Variants in RAD54L2 observed in about 807,000 individuals in gnomAD.
The protein encoded by RAD54L2 is RAD54 like 2.
In RAD54L2, 27 loss-of-function variants were observed where a neutral mutation model predicts 138.4. The observed-to-expected ratio is 0.20, with a 90% confidence interval of 0.14 to 0.27. RAD54L2 has a LOEUF of 0.27. Ranked by LOEUF, RAD54L2 falls within the 10% of genes least tolerant of loss-of-function variation. RAD54L2 has a pLI of 1.00. For missense variants in RAD54L2, 1,396 were observed against 1,890.2 expected (o/e 0.74, Z 4.85); for synonymous variants, 644 against 723.2 (o/e 0.89, Z 1.76).
chr3:51,588,697 C>T (rs1163872878), intron 2 of RAD54L2, among the ~76,000 whole-genome samples: 1 of 152,002 alleles, frequency 6.6e-6, no homozygotes, highest in Non-Finnish European at 1.5e-5. Context: ...TTTACCCTCA[C>T]GAAGGAATGG....
chr3:51,637,999 C>G lies in RAD54L2; in HGVS notation c.1683-145C>G. On this transcript the variant is annotated intron_variant, in intron 11 of 22. Transcript: ENST00000684192. The surrounding 1 kb of genome is among the most constrained non-coding windows in gnomAD (Gnocchi z 5.9). ...GTGAGTTTCTTCTTGGTTGTTGAAC[C>G]ACTCTGCATTATTGCAAGGCTGCAG... 1 of 728,208 alleles carries G rather than the reference C, an allele frequency of 1.4e-6. No homozygotes were observed. Among genetic ancestry groups the G allele is most frequent in the East Asian group, 2.7e-5 (1 of 36,738 alleles). The allele number at this position is 728,208 out of a possible 1,614,324, so 45.1% of individuals were successfully genotyped here. A position where few individuals can be genotyped will look rare whatever the true frequency, so the allele number is the denominator to read the frequency against.
chr3:51,588,185 CAAAAAAAAAAAAAAAA>C (rs987919898), intron 2 of RAD54L2, among the ~76,000 whole-genome samples: 2 of 12,726 alleles, frequency 1.6e-4, no homozygotes, highest in South Asian at 3.0e-3. Context: ...GACTCCATCT[CAAAAAAAAAAAAAAAA>C]AAAAAAAAAA....
Position 51,610,657 on chromosome 3 carries a change from A to AAAAAAAAAAC in RAD54L2, c.140-16896_140-16895insAAAAAAAAAC, listed in dbSNP as rs1180965179. Among the ~76,000 whole-genome samples, 93 of 151,254 alleles carry AAAAAAAAAAC rather than the reference A, an allele frequency of 6.1e-4. 1 individual carries two copies. Among genetic ancestry groups the AAAAAAAAAAC allele is most frequent in the African/African-American group, 2.2e-3 (90 of 40,928 alleles). The stretch of plus-strand genomic sequence containing the variant: ...TCCATCTCAAAAAAAAAAAAAAAAA[A>AAAAAAAAAAC]CAGAAAGAATGAATGAATCTTCTTT... On this transcript the variant is annotated intron_variant, in intron 3 of 22. Coordinates refer to ENST00000684192, the MANE Select transcript of RAD54L2 (RefSeq NM_015106.4).
intron 2 of RAD54L2, among the ~76,000 whole-genome samples, chr3:51,549,013 GAC>G (rs1347801822): frequency 1.3e-5 from 2 of 151,910 alleles, no homozygotes; most frequent in African/African-American, 4.8e-5. Flanking sequence ...TGTTTTTTGA[GAC>G]ACAGTCTTGC....
rs755429546 is a variant in RAD54L2, at chr3:51,641,801, G to C, written c.2284G>C (p.Val762Leu). The change falls in exon 15 of 23, where the codon GTA becomes CTA. Residue 762 changes from valine to leucine, a missense_variant. Physicochemically the swap from Val to Leu is conservative, Grantham distance 32. Coordinates refer to ENST00000684192, the MANE Select transcript of RAD54L2 (RefSeq NM_015106.4). ...CGAGGAATTCCTTGGAAAACGAGAAGTACCCTGTCCACCTGGTACCGAGGG... is the reference window on the plus strand; with the variant it reads ...CGAGGAATTCCTTGGAAAACGAGAACTACCCTGTCCACCTGGTACCGAGGG... ...LIEEFLGKRE[V>L]PCPPGTEGQG... 5.6e-6 allele frequency: 9 copies of C among 1,601,380 alleles called. No individual in the cohort carries two copies. In the South Asian group the frequency reaches 7.9e-5, roughly 14 times the overall value.
chr3:51,578,428 A>G (rs1378058776), intron 2 of RAD54L2, among the ~76,000 whole-genome samples: 1 of 152,168 alleles, frequency 6.6e-6, no homozygotes, highest in Non-Finnish European at 1.5e-5. Flanking sequence ...TGGTAGCCTA[A>G]GGGGGTATGT....
At chr3:51,647,252 G>A (rs918498031) in intron 19 of RAD54L2, among the ~76,000 whole-genome samples, 1 of 152,062 alleles carries the variant, frequency 6.6e-6, no homozygotes, top group African/African-American at 2.4e-5. Flanking sequence ...GCCTAGGCTG[G>A]AGTGCAGTGG....
At chr3:51,612,728 T>G (rs1230209039) in intron 3 of RAD54L2, among the ~76,000 whole-genome samples, 1 of 151,526 alleles carries the variant, frequency 6.6e-6, no homozygotes, top group Non-Finnish European at 1.5e-5. Flanking sequence ...TTTATTGTAG[T>G]CAGTTTAAGC....
At position 51,646,441 on chromosome 3, in the gene RAD54L2, C is replaced by A; in HGVS notation, c.2986C>A (p.Gln996Lys). Residue 996 changes from glutamine (Q) to lysine (K), a missense_variant, in exon 19 of 23, where the codon CAG (glutamine) becomes AAG (lysine). Transcript: ENST00000684192. ...TGCGCAGTATTACCCTGCCAGCGAT[C>A]AGAGCCTGACCAGCATCCCCGCCTT... ...SYAQYYPASD[Q>K]SLTSIPAFSQ... 1 of 1,613,604 alleles carries A rather than the reference C, an allele frequency of 6.2e-7. No individual in the cohort carries two copies. The highest frequency in any genetic ancestry group is 8.5e-7 in the Non-Finnish European group (1 of 1,179,690).
chr3:51,608,410 C>T (rs1423544409), intron 3 of RAD54L2, among the ~76,000 whole-genome samples: 1 of 152,026 alleles, frequency 6.6e-6, no homozygotes, highest in Non-Finnish European at 1.5e-5. Context: ...ACGCTCCTCA[C>T]TTCCTAGACG....
At chr3:51,624,857 T>C (rs1700642781) in intron 3 of RAD54L2, among the ~76,000 whole-genome samples, 2 of 152,160 alleles carry the variant, frequency 1.3e-5, no homozygotes, top group Admixed American at 6.5e-5. Flanking sequence ...TACCAAGCTA[T>C]GGAAGGTGAG....
intron 21 of RAD54L2, 151 bp from the exon 22 acceptor site, chr3:51,659,875 C>T (rs1051969010): frequency 1.9e-6 from 1 of 528,432 alleles, no homozygotes; most frequent in Non-Finnish European, 3.5e-6. Flanking sequence ...GTCCATAGCT[C>T]AGTCACCCCA....
intron 3 of RAD54L2, among the ~76,000 whole-genome samples, chr3:51,601,533 T>G (rs1194738283): frequency 1.3e-5 from 2 of 148,516 alleles, no homozygotes; most frequent in Non-Finnish European, 3.0e-5. Context: ...GTCTCGAACT[T>G]GTGACCTCGT....
intron 21 of RAD54L2, among the ~76,000 whole-genome samples, chr3:51,659,098 GTT>G (rs1014568687): frequency 1.3e-5 from 1 of 75,040 alleles, no homozygotes. Flanking sequence ...TCCGGCTCTT[GTT>G]TTTTTTTTTT....
At chr3:51,641,380 C>T (rs1357446279) in intron 14 of RAD54L2, among the ~76,000 whole-genome samples, 4 of 149,744 alleles carry the variant, frequency 2.7e-5, no homozygotes, top group Middle Eastern at 3.3e-3. Context: ...AGTGCAATGG[C>T]GTGATCCTGC....
rs544743314 is a variant in RAD54L2, at chr3:51,597,555, C to T, written c.139+6996C>T. Reference sequence around the variant, plus strand: ...TGAAATAAGCTATTTTGGCTGGGCGCGGTGGCTCATGCCTGTAACTCCAGC... The same window carrying T: ...TGAAATAAGCTATTTTGGCTGGGCGTGGTGGCTCATGCCTGTAACTCCAGC... On this transcript the variant is annotated intron_variant, in intron 3 of 22. Coordinates refer to ENST00000684192, the MANE Select transcript of RAD54L2 (RefSeq NM_015106.4). Among the ~76,000 whole-genome samples, 9 of 152,156 alleles carry T rather than the reference C, an allele frequency of 5.9e-5. No homozygotes were observed. The East Asian group carries it at 1.4e-3, about 23-fold the overall frequency.
intron 3 of RAD54L2, among the ~76,000 whole-genome samples, chr3:51,619,375 T>C (rs1700518874): frequency 6.6e-6 from 1 of 152,178 alleles, no homozygotes; most frequent in Non-Finnish European, 1.5e-5. Context: ...ATCTTAAATA[T>C]TTTTGAGACT....
At chr3:51,603,142 C>CAAAA (rs56410629) in intron 3 of RAD54L2, among the ~76,000 whole-genome samples, 8 of 91,508 alleles carry the variant, frequency 8.7e-5, no homozygotes, top group East Asian at 3.1e-4. Flanking sequence ...ATTACTACTA[C>CAAAA]AAAAAAAAAA....
intron 19 of RAD54L2, among the ~76,000 whole-genome samples, chr3:51,650,101 C>G (rs1701390195): frequency 6.6e-6 from 1 of 151,924 alleles, no homozygotes; most frequent in African/African-American, 2.4e-5. Context: ...ACCTGCCAAG[C>G]AAATGGAAAG....
Sources: gnomAD v4.1 joint callset for allele counts (sites outside exome capture counted in the v4.1 genomes callset) on GRCh38, gnomAD v4.1.1 for gene constraint, Gnocchi (gnomAD v3.1) non-coding constraint, MANE v1.5 for transcripts, NCBI Gene and HGNC (gene_info 2026-07-23, HGNC 2026-07-21) for gene names.